PIP4P2: variants seen among roughly 807,000 people sequenced by gnomAD.
PIP4P2 encodes type 2 phosphatidylinositol 4,5-bisphosphate 4-phosphatase.
PIP4P2 carries 19 observed loss-of-function variants against 33.3 expected under a neutral mutation model. The observed-to-expected ratio is 0.57, with a 90% CI of 0.40 to 0.84. The LOEUF (loss-of-function observed/expected upper bound fraction) is 0.84, where lower values mean the gene tolerates loss of function less well. Among genes scored for constraint, PIP4P2 ranks in the 40% least tolerant of loss-of-function variants. The pLI is 0.00. For synonymous variants in PIP4P2, 110 were observed against 111.9 expected (o/e 0.98, Z 0.11); for missense variants, 270 against 324.7 (o/e 0.83, Z 1.29).
chr8:91,032,510 G>T (rs1316556839), intron 1 of PIP4P2, among the ~76,000 whole-genome samples: 2 of 152,100 alleles, frequency 1.3e-5, no homozygotes, highest in African/African-American at 2.4e-5. Context: ...GCCAGGCGCG[G>T]TGGCTCATGC....
At chr8:90,998,751 T>A (rs2130347963) in intron 5 of PIP4P2, among the ~76,000 whole-genome samples, 1 of 151,954 alleles carries the variant, frequency 6.6e-6, no homozygotes, top group East Asian at 1.9e-4. Context: ...CATACCAAAT[T>A]TAAAAATTAA....
chr8:91,036,669 C>A (rs1396935576), intron 1 of PIP4P2, among the ~76,000 whole-genome samples: 2 of 152,212 alleles, frequency 1.3e-5, no homozygotes, highest in Non-Finnish European at 2.9e-5. Flanking sequence ...TCCTCTAATT[C>A]ATTCTCTAAT....
intron 5 of PIP4P2, among the ~76,000 whole-genome samples, chr8:91,005,730 C>T (rs1811754623): frequency 6.6e-6 from 1 of 152,052 alleles, no homozygotes; most frequent in Non-Finnish European, 1.5e-5. Flanking sequence ...AGGTGATTCA[C>T]AAAAGTACAT....
At chr8:91,015,752 C>T (rs1455455757) in intron 4 of PIP4P2, among the ~76,000 whole-genome samples, 1 of 152,154 alleles carries the variant, frequency 6.6e-6, no homozygotes, top group Non-Finnish European at 1.5e-5. Flanking sequence ...TGTCTGGTTT[C>T]TATTGGCTGG....
chr8:91,016,120 A>G (rs772195592), intron 4 of PIP4P2, among the ~76,000 whole-genome samples: 4 of 152,248 alleles, frequency 2.6e-5, no homozygotes, highest in Non-Finnish European at 5.9e-5. Context: ...AAGTCTTTGA[A>G]GAGGAACCTC....
At chr8:91,002,693 T>G (rs929692438) in intron 5 of PIP4P2, among the ~76,000 whole-genome samples, 4 of 152,164 alleles carry the variant, frequency 2.6e-5, no homozygotes, top group African/African-American at 9.6e-5. Context: ...AGAATAACCT[T>G]TGTGCCACAG....
chr8:91,011,035 TAGATAG>T (rs1166644315), intron 4 of PIP4P2, among the ~76,000 whole-genome samples: 29 of 145,320 alleles, frequency 2.0e-4, no homozygotes, highest in Non-Finnish European at 3.9e-4. Flanking sequence ...GATAGATAGA[TAGATAG>T]ATAGATAGAT....
intron 1 of PIP4P2, among the ~76,000 whole-genome samples, chr8:91,032,379 G>T (rs1250296445): frequency 1.3e-5 from 2 of 152,108 alleles, no homozygotes; most frequent in Admixed American, 1.3e-4. Flanking sequence ...TTCTAAAAAA[G>T]CATAGAAACC....
chr8:91,030,805 T>C (rs935019661), intron 1 of PIP4P2, among the ~76,000 whole-genome samples: 2 of 152,244 alleles, frequency 1.3e-5, no homozygotes, highest in Non-Finnish European at 2.9e-5. Flanking sequence ...CATTGTTTTT[T>C]CATTTTACAG....
At chr8:91,032,096 C>A (rs114340961) in intron 1 of PIP4P2, among the ~76,000 whole-genome samples, 4 of 152,132 alleles carry the variant, frequency 2.6e-5, no homozygotes, top group Non-Finnish European at 4.4e-5. Context: ...TAGTAACTGG[C>A]GGAGATAAAA....
At chr8:91,027,973 A>G (rs1812105439) in intron 1 of PIP4P2, among the ~76,000 whole-genome samples, 2 of 152,334 alleles carry the variant, frequency 1.3e-5, no homozygotes, top group African/African-American at 4.8e-5. Flanking sequence ...CAGACCAGAC[A>G]TTACAGTATG....
chr8:91,006,042 C>A (rs1199631556), intron 5 of PIP4P2, among the ~76,000 whole-genome samples: 1 of 152,178 alleles, frequency 6.6e-6, no homozygotes, highest in Non-Finnish European at 1.5e-5. Flanking sequence ...GATAAAAGCA[C>A]ATAACACACT....
At chr8:91,036,388 G>A (rs768743049) in intron 1 of PIP4P2, among the ~76,000 whole-genome samples, 2 of 152,046 alleles carry the variant, frequency 1.3e-5, no homozygotes, top group South Asian at 2.1e-4. Context: ...CCCAAAACTC[G>A]GTCCTCTTCT....
chr8:91,019,017 T>C (rs955376056), intron 3 of PIP4P2, among the ~76,000 whole-genome samples: 1 of 152,014 alleles, frequency 6.6e-6, no homozygotes, highest in African/African-American at 2.4e-5. Context: ...CTCTAGTCTA[T>C]CATTGGATAG....
At position 91,021,325 on chromosome 8, in the gene PIP4P2, T is replaced by C; in HGVS notation, c.186A>G (p.Gln62=). The C allele has an allele frequency of 3.1e-6, 5 of 1,613,872 alleles. No individual in the cohort carries two copies. Among genetic ancestry groups the C allele is most frequent in the South Asian group, 1.1e-5 (1 of 91,076 alleles). Residue 62 remains glutamine (Q), a synonymous_variant, in exon 2 of 7, where the codon CAA becomes CAG. Transcript: ENST00000285419. ...GCTTGCCATCCAAATTGATTAGTGA[T>C]TGGCACACACGGCAGTTTATTACTG... ...GIPVINCRVC[Q]SLINLDGKLH... is the part of the protein sequence containing the mutation.
intron 4 of PIP4P2, among the ~76,000 whole-genome samples, chr8:91,012,737 T>G (rs1262141967): frequency 1.3e-5 from 2 of 152,188 alleles, no homozygotes; most frequent in African/African-American, 4.8e-5. Context: ...AGAGCCAGCT[T>G]TAGAAGTTAG....
chr8:91,022,107 T>C (rs1326855737), intron 1 of PIP4P2, among the ~76,000 whole-genome samples: 2 of 152,220 alleles, frequency 1.3e-5, no homozygotes, highest in Admixed American at 6.5e-5. Context: ...AAAAATGTAG[T>C]ATGTGGGATT....
intron 5 of PIP4P2, among the ~76,000 whole-genome samples, chr8:91,005,170 T>A (rs1464800449): frequency 5.3e-5 from 8 of 152,150 alleles, no homozygotes; most frequent in African/African-American, 1.9e-4. Context: ...GCCAGACACA[T>A]TTCTTCTAGA....
At chr8:91,029,945 C>T (rs983278819) in intron 1 of PIP4P2, among the ~76,000 whole-genome samples, 2 of 151,808 alleles carry the variant, frequency 1.3e-5, no homozygotes, top group South Asian at 2.1e-4. Flanking sequence ...CCAGCCTGGG[C>T]GACAGAGCGA....
Sources: allele counts gnomAD v4.1 joint callset (sites outside exome capture counted in the v4.1 genomes callset), GRCh38; gene constraint gnomAD v4.1.1; transcripts MANE v1.5; gene names NCBI Gene and HGNC (gene_info 2026-07-23, HGNC 2026-07-21).